The following STT3A variants were observed in gnomAD, a reference collection of about 807,000 sequenced individuals.
STT3A encodes STT3 oligosaccharyltransferase complex catalytic subunit A.
In STT3A, 34 loss-of-function variants were observed where a neutral mutation model predicts 89.2. The observed-to-expected ratio is 0.38, with a 90% confidence interval of 0.29 to 0.51. The LOEUF (loss-of-function observed/expected upper bound fraction) is 0.51, where lower values mean the gene tolerates loss of function less well. Ranked by LOEUF, STT3A falls within the 20% of genes least tolerant of loss-of-function variation. The pLI is 0.89. For missense variants in STT3A, 555 were observed against 889.5 expected, an observed-to-expected ratio of 0.62 and a Z score of 4.78; for synonymous variants, 282 against 310.3, an observed-to-expected ratio of 0.91 and a Z score of 0.96.
chr11:125,609,258 C>A (rs984969196), intron 9 of STT3A, among the ~76,000 whole-genome samples, 176 bp from the exon 10 acceptor site: 1 of 152,176 alleles, frequency 6.6e-6, no homozygotes, highest in Admixed American at 6.5e-5. Flanking sequence ...CAAAAGTACT[C>A]TCAGGTTTGA....
At chr11:125,602,739 T>G in intron 4 of STT3A, 64 bp from the exon 5 acceptor site, 2 of 1,598,854 alleles carry the variant, frequency 1.3e-6, no homozygotes, top group Non-Finnish European at 1.7e-6. Context: ...TCTGGGATTT[T>G]CCCTTTCTTT....
Position 125,596,971 on chromosome 11 carries a change from T to A in STT3A, c.89-88T>A, listed in dbSNP as rs149497333. The A allele has an allele frequency of 4.3e-6, 6 of 1,393,734 alleles. No homozygotes were observed. In the East Asian group the frequency reaches 1.4e-4, roughly 32 times the overall value. The allele number at this position is 1,393,734 out of a possible 1,614,324, so 86.3% of individuals were successfully genotyped here. A position where few individuals can be genotyped will look rare whatever the true frequency, so the allele number is the denominator to read the frequency against. On this transcript the variant is annotated intron_variant, in intron 2 of 17. Transcript: ENST00000392708. ...TTTATATTTTCTGTGACCTCTCTAC[T>A]GGATAATACTGTCTTCATTATAATA... is the stretch of plus-strand genomic sequence containing the variant.
rs531971276 is a variant in STT3A, at chr11:125,596,991, A to G, written c.89-68A>G. 307 of 1,526,438 alleles carry G rather than the reference A, an allele frequency of 2.0e-4. 2 individuals are homozygous for G. The highest frequency in any genetic ancestry group is 1.3e-3 in the East Asian group (58 of 44,468). 94.6% of individuals were successfully genotyped at this position (1,526,438 alleles called of 1,614,324 possible). ...TCTACTGGATAATACTGTCTTCATT[A>G]TAATACTATATCTGCTGTTCTTTCA... is the stretch of plus-strand genomic sequence containing the variant. On this transcript the variant is annotated intron_variant, in intron 2 of 17. Transcript: ENST00000392708.
intron 1 of STT3A, among the ~76,000 whole-genome samples, chr11:125,595,478 G>A (rs1036161641): frequency 5.3e-5 from 8 of 151,750 alleles, no homozygotes; most frequent in African/African-American, 1.7e-4. Context: ...CTCCGCCCCT[G>A]CCACCCCATA....
intron 7 of STT3A, 146 bp downstream of exon 7, chr11:125,605,881 G>A (rs1448760272): frequency 1.1e-5 from 7 of 626,166 alleles, no homozygotes; most frequent in Admixed American, 9.3e-5. Flanking sequence ...TCATACTTAC[G>A]TATACATGTA....
At chr11:125,602,454 A>G (rs563218314) in intron 4 of STT3A, 30 bp downstream of exon 4, 2 of 1,339,670 alleles carry the variant, frequency 1.5e-6, no homozygotes, top group Non-Finnish European at 1.0e-6. Context: ...TTTTTTTTTT[A>G]AAAAAAAAAC....
intron 1 of STT3A, among the ~76,000 whole-genome samples, chr11:125,593,933 TTTG>T (rs1350544982): frequency 6.6e-6 from 1 of 152,178 alleles, no homozygotes; most frequent in Non-Finnish European, 1.5e-5. Context: ...TAGACAAACG[TTTG>T]TTAAGGGATA....
In STT3A at chr11:125,618,572, CATA is replaced by C. The variant is rs954898182; in HGVS notation, c.1963+18_1963+20del. On this transcript the variant is annotated intron_variant, in intron 16 of 17. Coordinates refer to ENST00000392708, the MANE Select transcript of STT3A (RefSeq NM_152713.5). ...TTTACACAGAAGCCAGTGAGTGACT[CATA>C]ATAATATTAATAACAGTAGTAATAA... 1.2e-6 allele frequency: 2 copies of C among 1,606,644 alleles called. No individual in the cohort carries two copies. Among genetic ancestry groups the C allele is most frequent in the South Asian group, 1.1e-5 (1 of 90,100 alleles).
intron 10 of STT3A, 159 bp from the exon 11 acceptor site, chr11:125,611,269 T>C: frequency 1.7e-6 from 1 of 599,620 alleles, no homozygotes; most frequent in East Asian, 2.9e-5. Flanking sequence ...AGTAAACATC[T>C]TTGCATGTTT....
In STT3A at chr11:125,606,395, A is replaced by C; in HGVS notation, c.710A>C (p.Tyr237Ser). 3 of 1,614,158 alleles carry C rather than the reference A, an allele frequency of 1.9e-6. No homozygotes were observed. Among genetic ancestry groups the C allele is most frequent in the Non-Finnish European group, 2.5e-6 (3 of 1,180,024 alleles). ...MLTGRFSHRI[Y>S]VAYCTVYCLG... Reference sequence around the variant, plus strand: ...ACAGGCCGTTTCTCTCACCGGATCTATGTGGCCTACTGTACTGTTTACTGC... The same window carrying C: ...ACAGGCCGTTTCTCTCACCGGATCTCTGTGGCCTACTGTACTGTTTACTGC... The change falls in exon 8 of 18, where the codon TAT (tyrosine) becomes TCT (serine). Residue 237 changes from tyrosine to serine, a missense_variant. Physicochemically the swap from Tyr to Ser is moderately radical, Grantham distance 144 (BLOSUM62 -2). This residue lies in a region of STT3A where 149 missense variants were observed against 206.2 expected (regional missense o/e 0.72). Transcript: ENST00000392708.
At chr11:125,596,809 A>G (rs960488687) in intron 2 of STT3A, among the ~76,000 whole-genome samples, 5 of 152,188 alleles carry the variant, frequency 3.3e-5, no homozygotes, top group African/African-American at 1.2e-4. Flanking sequence ...AGGTGAATGT[A>G]ATGTTATAGG....
intron 3 of STT3A, 113 bp from the exon 4 acceptor site, chr11:125,602,190 T>C (rs1939703556): frequency 5.6e-6 from 7 of 1,255,832 alleles, no homozygotes; most frequent in African/African-American, 1.5e-5. Flanking sequence ...TTTCATGGCA[T>C]AATATCTGAT....
rs114775927 is a variant in STT3A at position 125,601,693 on chromosome 11, G to T, written c.150-610G>T. Among the ~76,000 whole-genome samples, 1,034 of 152,234 alleles carry T rather than the reference G, an allele frequency of 6.8e-3. 17 individuals carry two copies. The highest frequency in any genetic ancestry group is 0.023 in the African/African-American group (955 of 41,552). On this transcript the variant is annotated intron_variant, in intron 3 of 17. Coordinates refer to ENST00000392708, the MANE Select transcript of STT3A (RefSeq NM_152713.5). ...ATCTCAGTGGCTTTGTCTTCATGGT[G>T]CTTGAATTCTCTGACTGGTCCTAAT... is the stretch of plus-strand genomic sequence containing the variant.
At chr11:125,619,452 C>CA (rs1940282918) in intron 16 of STT3A, among the ~76,000 whole-genome samples, 1 of 152,130 alleles carries the variant, frequency 6.6e-6, no homozygotes, top group African/African-American at 2.4e-5. Flanking sequence ...TTCAAACTGA[C>CA]AAAGAGTGGC....
chr11:125,612,257 T>C (rs1391632725), intron 11 of STT3A, among the ~76,000 whole-genome samples: 1 of 152,226 alleles, frequency 6.6e-6, no homozygotes, highest in East Asian at 1.9e-4. Context: ...AATACTGTAT[T>C]GTTTAGGGAA....
chr11:125,603,859 T>C (rs1205195393), intron 5 of STT3A, among the ~76,000 whole-genome samples: 3 of 152,156 alleles, frequency 2.0e-5, no homozygotes, highest in Non-Finnish European at 2.9e-5. Context: ...CTTGGGGAGA[T>C]TGGTAGCCAA....
intron 15 of STT3A, among the ~76,000 whole-genome samples, chr11:125,617,434 G>GT (rs1194848526): frequency 2.0e-5 from 3 of 152,122 alleles, no homozygotes; most frequent in Non-Finnish European, 4.4e-5. Context: ...CTTAACCACC[G>GT]TGATATCCCC....
intron 12 of STT3A, 105 bp downstream of exon 12, chr11:125,612,852 A>G: frequency 1.3e-6 from 2 of 1,518,960 alleles, no homozygotes. Context: ...GCACTGTCCT[A>G]GGTGGTCAGA....
intron 17 of STT3A, 84 bp from the exon 18 acceptor site, chr11:125,620,688 C>T: frequency 7.6e-7 from 1 of 1,320,022 alleles, no homozygotes; most frequent in East Asian, 2.3e-5. Flanking sequence ...TAATCCTGCC[C>T]ACTCTGGGTG....
Sources: allele counts gnomAD v4.1 joint callset (sites outside exome capture counted in the v4.1 genomes callset), GRCh38; gene constraint gnomAD v4.1.1; regional missense constraint gnomAD v4.1.1; transcripts MANE v1.5; gene names NCBI Gene and HGNC (gene_info 2026-07-23, HGNC 2026-07-21).